ZNF804B: variants seen among roughly 807,000 people sequenced by gnomAD.
The protein encoded by ZNF804B is zinc finger protein 804B.
In ZNF804B, 80 loss-of-function variants were observed where a neutral mutation model predicts 101.4. The ratio of observed to expected loss-of-function variants is 0.79; its 90% CI spans 0.66 to 0.95. The LOEUF (loss-of-function observed/expected upper bound fraction) is 0.95, where lower values mean the gene tolerates loss of function less well. Among genes scored for constraint, ZNF804B ranks in the 40% least tolerant of loss-of-function variants. The pLI, the probability that ZNF804B is intolerant of heterozygous loss-of-function variation, is 0.00. For synonymous variants in ZNF804B, 622 were observed against 558.8 expected (o/e 1.11, Z -1.59); for missense variants, 1,673 against 1,561.9 (o/e 1.07, Z -1.20).
At chr7:89,317,813 C>T (rs1322956419) in intron 2 of ZNF804B, among the ~76,000 whole-genome samples, 3 of 152,146 alleles carry the variant, frequency 2.0e-5, no homozygotes, top group Non-Finnish European at 4.4e-5. Flanking sequence ...TCTGGCCAAC[C>T]AGTATAGACA....
At chr7:89,004,418 C>T (rs1364746329) in intron 1 of ZNF804B, among the ~76,000 whole-genome samples, 2 of 151,832 alleles carry the variant, frequency 1.3e-5, no homozygotes, top group African/African-American at 4.8e-5. Flanking sequence ...GAATTACTTA[C>T]ACAGGGAATG....
At chr7:88,783,869 T>A (rs1790263574) in intron 1 of ZNF804B, among the ~76,000 whole-genome samples, 2 of 152,170 alleles carry the variant, frequency 1.3e-5, no homozygotes, top group African/African-American at 4.8e-5. Context: ...GTTGAAATGC[T>A]TTATCATTTT....
chr7:89,034,375 T>A (rs1192632729), intron 1 of ZNF804B, among the ~76,000 whole-genome samples: 1 of 152,116 alleles, frequency 6.6e-6, no homozygotes, highest in African/African-American at 2.4e-5. Flanking sequence ...CAACCCACAA[T>A]TTCTCCTAAT....
At chr7:89,100,198 A>G (rs1305234569) in intron 1 of ZNF804B, among the ~76,000 whole-genome samples, 3 of 152,204 alleles carry the variant, frequency 2.0e-5, no homozygotes, top group East Asian at 1.9e-4. Context: ...AAGTGCCAAG[A>G]ACAGACATTG....
intron 1 of ZNF804B, among the ~76,000 whole-genome samples, chr7:89,178,925 T>C (rs572634417): frequency 2.0e-5 from 3 of 152,290 alleles, no homozygotes; most frequent in African/African-American, 7.2e-5. Context: ...TTGAAGGATA[T>C]TTTTCTGGAA....
chr7:89,216,018 T>C (rs1380983233), intron 1 of ZNF804B, among the ~76,000 whole-genome samples: 1 of 152,044 alleles, frequency 6.6e-6, no homozygotes, highest in African/African-American at 2.4e-5. Flanking sequence ...AATAAATAAA[T>C]ACCGGCTGGG....
chr7:88,923,138 T>C (rs2116001402), intron 1 of ZNF804B, among the ~76,000 whole-genome samples: 1 of 152,204 alleles, frequency 6.6e-6, no homozygotes, highest in East Asian at 1.9e-4. Context: ...GCAGGCTTTC[T>C]GGTATGGCAT....
At chr7:89,036,357 A>G (rs1218412417) in intron 1 of ZNF804B, among the ~76,000 whole-genome samples, 1 of 151,852 alleles carries the variant, frequency 6.6e-6, no homozygotes, top group African/African-American at 2.4e-5. Flanking sequence ...GTGCACAGAC[A>G]AAATGCTTAA....
At position 89,298,216 on chromosome 7, in the gene ZNF804B, GTATATATATATATATA is replaced by G. The variant is rs1171165341; in HGVS notation, c.250-29101_250-29086del. ...ATATCTATATAGTGTGTGTGTGTGT[GTATATATATATATATA>G]TATATATATATATATATATATATAT... On this transcript the variant is annotated intron_variant, in intron 2 of 3. Transcript: ENST00000333190. Among the ~76,000 whole-genome samples, 68 of 27,530 alleles carry G rather than the reference GTATATATATATATATA, an allele frequency of 2.5e-3. 1 individual carries two copies. Among genetic ancestry groups the G allele is most frequent in the African/African-American group, 5.9e-3 (38 of 6,422 alleles). The allele number at this position is 27,530 out of a possible 152,430, so 18.1% of individuals were successfully genotyped here.
At chr7:89,095,926 C>A (rs757262117) in intron 1 of ZNF804B, among the ~76,000 whole-genome samples, 1 of 151,900 alleles carries the variant, frequency 6.6e-6, no homozygotes, top group Non-Finnish European at 1.5e-5. Flanking sequence ...CCAAGGCAGG[C>A]GGATCACGAG....
intron 1 of ZNF804B, among the ~76,000 whole-genome samples, chr7:88,789,331 A>G (rs925939983): frequency 1.3e-5 from 2 of 152,162 alleles, no homozygotes; most frequent in Non-Finnish European, 2.9e-5. Context: ...ACTTACTTGT[A>G]GAGGAATAAA....
intron 1 of ZNF804B, among the ~76,000 whole-genome samples, chr7:88,838,679 G>A (rs1791251795): frequency 6.6e-6 from 1 of 151,770 alleles, no homozygotes; most frequent in Admixed American, 6.6e-5. Context: ...AGACTTTCTT[G>A]ATTTGACATT....
intron 1 of ZNF804B, among the ~76,000 whole-genome samples, chr7:88,964,402 G>A (rs1371609386): frequency 2.0e-5 from 3 of 151,390 alleles, no homozygotes; most frequent in African/African-American, 7.3e-5. Flanking sequence ...AAAACATTAC[G>A]CTAAGTGAAG....
At chr7:88,872,220 A>C (rs1460165174) in intron 1 of ZNF804B, among the ~76,000 whole-genome samples, 1 of 152,212 alleles carries the variant, frequency 6.6e-6, no homozygotes, top group Non-Finnish European at 1.5e-5. Flanking sequence ...GTTTAAGCAC[A>C]GTTCAGTATT....
At chr7:89,270,326 C>A (rs1249996841) in intron 2 of ZNF804B, among the ~76,000 whole-genome samples, 2 of 152,140 alleles carry the variant, frequency 1.3e-5, no homozygotes, top group East Asian at 1.9e-4. Flanking sequence ...ATAGGGAATC[C>A]TTTCCTCATT....
intron 1 of ZNF804B, among the ~76,000 whole-genome samples, chr7:89,156,052 CTT>C (rs1491477721): frequency 3.7e-5 from 3 of 81,712 alleles, no homozygotes; most frequent in Non-Finnish European, 5.7e-5. Context: ...TTCTTTCTTT[CTT>C]TCTTTCTTTC....
intron 1 of ZNF804B, among the ~76,000 whole-genome samples, chr7:88,802,842 A>G (rs13242462): frequency 6.6e-6 from 1 of 152,212 alleles, no homozygotes; most frequent in Admixed American, 6.6e-5. Context: ...AAACAAGATA[A>G]CCGTCTATAT....
intron 1 of ZNF804B, among the ~76,000 whole-genome samples, chr7:88,948,306 ATTTTTTTTTTTTT>A (rs68069374): frequency 1.1e-5 from 1 of 92,702 alleles, no homozygotes; most frequent in Admixed American, 1.2e-4. Context: ...CCACCCATCC[ATTTTTTTTTTTTT>A]TTTTTTTTTT....
At chr7:89,270,542 A>C (rs889052382) in intron 2 of ZNF804B, among the ~76,000 whole-genome samples, 1 of 152,120 alleles carries the variant, frequency 6.6e-6, no homozygotes, top group Non-Finnish European at 1.5e-5. Flanking sequence ...TTGACTTGGC[A>C]ATGAGGGCTC....
Sources: gnomAD v4.1 joint callset for allele counts (sites outside exome capture counted in the v4.1 genomes callset) on GRCh38, gnomAD v4.1.1 for gene constraint, MANE v1.5 for transcripts, NCBI Gene and HGNC (gene_info 2026-07-23, HGNC 2026-07-21) for gene names.